The following SNX8 variants were observed in gnomAD, a reference collection of about 807,000 sequenced individuals.
The protein encoded by SNX8 is sorting nexin 8, also known as sorting nexin-8.
SNX8 carries 25 observed loss-of-function variants against 51.6 expected under a neutral mutation model. That is an observed-to-expected ratio of 0.48 (90% CI 0.35 to 0.68). The LOEUF (loss-of-function observed/expected upper bound fraction) is 0.68, where lower values mean the gene tolerates loss of function less well. Among genes scored for constraint, SNX8 ranks in the 30% least tolerant of loss-of-function variants. The pLI is 0.00. For synonymous variants in SNX8, 324 were observed against 277.0 expected (o/e 1.17, Z -1.68); for missense variants, 695 against 624.0 (o/e 1.11, Z -1.21).
intron 1 of SNX8, among the ~76,000 whole-genome samples, chr7:2,329,147 T>C (rs1344941199): frequency 6.7e-6 from 1 of 149,968 alleles, no homozygotes; most frequent in East Asian, 2.0e-4. Context: ...GGCAGGCACC[T>C]GTAATCTCAG....
At chr7:2,292,080 A>G (rs1796163053) in intron 1 of SNX8, among the ~76,000 whole-genome samples, 2 of 152,196 alleles carry the variant, frequency 1.3e-5, no homozygotes, top group African/African-American at 2.4e-5. Flanking sequence ...CCTGACCAAC[A>G]TGGTGAAACC....
chr7:2,263,198 G>T, intron 7 of SNX8, 32 bp downstream of exon 7: 1 of 1,611,900 alleles, frequency 6.2e-7, no homozygotes, highest in South Asian at 1.1e-5. Context: ...GTGTTCTCTG[G>T]AACAGGCGCC....
intron 1 of SNX8, among the ~76,000 whole-genome samples, chr7:2,346,474 A>G (rs1022750284): frequency 3.2e-4 from 49 of 151,218 alleles, no homozygotes; most frequent in Admixed American, 5.3e-4. Context: ...GCAGCCAGGC[A>G]CGGTGGCTCA....
chr7:2,313,461 G>A (rs1355654495), intron 1 of SNX8, among the ~76,000 whole-genome samples: 48 of 151,212 alleles, frequency 3.2e-4, no homozygotes, highest in Admixed American at 3.2e-3. Flanking sequence ...GGGAGGCGGA[G>A]GTTGCAATGA....
At chr7:2,279,483 G>T (rs910852068) in intron 1 of SNX8, among the ~76,000 whole-genome samples, 4 of 152,140 alleles carry the variant, frequency 2.6e-5, no homozygotes, top group Non-Finnish European at 5.9e-5. Context: ...CAGGCACCAT[G>T]GCTCACGCCT....
intron 1 of SNX8, chr7:2,309,656 G>A (rs1299765079): frequency 2.3e-5 from 9 of 390,118 alleles, no homozygotes; most frequent in East Asian, 2.2e-4. Context: ...GCTTGAACCC[G>A]GGAGGAGGAG....
intron 5 of SNX8, among the ~76,000 whole-genome samples, chr7:2,269,126 T>C (rs1231633358): frequency 6.9e-6 from 1 of 144,734 alleles, no homozygotes; most frequent in East Asian, 2.0e-4. Flanking sequence ...AATCGGATGG[T>C]TGCCGTGTCT....
At chr7:2,283,106 A>G (rs192652258) in intron 1 of SNX8, among the ~76,000 whole-genome samples, 2,998 of 151,418 alleles carry the variant, frequency 0.02, 41 homozygotes, top group South Asian at 0.044. Context: ...GGGCGACAAA[A>G]CCAGACTCCG....
intron 4 of SNX8, among the ~76,000 whole-genome samples, chr7:2,270,255 C>G (rs113018972): frequency 0.023 from 2,926 of 128,200 alleles, 39 homozygotes; most frequent in Middle Eastern, 0.066. Flanking sequence ...GTTTGCGTGT[C>G]CAGGAATTCT....
rs1795056311 is a variant in SNX8, at chr7:2,252,350, G to C, written c.*2706C>G. 1 of 152,592 alleles carries C rather than the reference G, an allele frequency of 6.6e-6. No homozygotes were observed. The highest frequency in any genetic ancestry group is 1.5e-5 in the Non-Finnish European group (1 of 68,336). The allele number at this position is 152,592 out of a possible 1,614,324, so 9.5% of individuals were successfully genotyped here. On this transcript the variant is annotated 3_prime_UTR_variant, in exon 11 of 11. Transcript: ENST00000222990. ...CGGCATGGGGCCTCCACCTGCAGCA[G>C]TAAGCAGCCTCTCAGCCCCTGAGCC...
At chr7:2,284,041 C>T (rs112162511) in intron 1 of SNX8, among the ~76,000 whole-genome samples, 17 of 152,146 alleles carry the variant, frequency 1.1e-4, no homozygotes, top group Non-Finnish European at 1.8e-4. Flanking sequence ...GTGATCTACC[C>T]GCCTCTGCTT....
chr7:2,274,209 C>G (rs79229963), intron 3 of SNX8, among the ~76,000 whole-genome samples: 2,211 of 152,316 alleles, frequency 0.015, 35 homozygotes, highest in Middle Eastern at 0.082. Context: ...TCACATGCGG[C>G]GGGGTGAAAA....
At chr7:2,315,692 C>T (rs1796742216), upstream of SNX8, among the ~76,000 whole-genome samples, 1 of 129,478 alleles carries the variant, frequency 7.7e-6, no homozygotes, top group Non-Finnish European at 1.8e-5. Flanking sequence ...TCACTGCATT[C>T]TGCATTCATT....
At chr7:2,271,575 C>T (rs564902252) in intron 4 of SNX8, among the ~76,000 whole-genome samples, 1 of 152,310 alleles carries the variant, frequency 6.6e-6, no homozygotes, top group East Asian at 1.9e-4. Context: ...CCTAAACCCT[C>T]CAAACCATCC....
intron 1 of SNX8, among the ~76,000 whole-genome samples, chr7:2,325,866 A>G (rs1778614817): frequency 6.6e-6 from 1 of 152,172 alleles, no homozygotes; most frequent in South Asian, 2.1e-4. Flanking sequence ...TAAAAAAATA[A>G]AAGAAGGTAA....
At chr7:2,267,413 A>G (rs1795494698) in intron 5 of SNX8, among the ~76,000 whole-genome samples, 1 of 132,414 alleles carries the variant, frequency 7.6e-6, no homozygotes, top group Non-Finnish European at 1.6e-5. Flanking sequence ...GGCTCACTGC[A>G]ACCTCCCTGC....
intron 2 of SNX8, 33 bp downstream of exon 2, chr7:2,278,067 C>G (rs1007554157): frequency 1.2e-6 from 2 of 1,602,686 alleles, no homozygotes; most frequent in Non-Finnish European, 1.7e-6. Context: ...TCTTCCCCCT[C>G]CTGCCCCGAC....
chr7:2,351,344 G>C (rs1446171409), intron 1 of SNX8, among the ~76,000 whole-genome samples: 2 of 152,060 alleles, frequency 1.3e-5, no homozygotes, highest in East Asian at 3.9e-4. Context: ...TTGAGCCCAG[G>C]AGTTGAAGAC....
intron 1 of SNX8, among the ~76,000 whole-genome samples, chr7:2,281,008 G>T (rs1466646424): frequency 1.3e-5 from 2 of 152,012 alleles, no homozygotes; most frequent in African/African-American, 2.4e-5. Context: ...GGCCAGACTG[G>T]TCTCAAACTC....
Sources: gnomAD v4.1 joint callset for allele counts (sites outside exome capture counted in the v4.1 genomes callset) on GRCh38, gnomAD v4.1.1 for gene constraint, MANE v1.5 for transcripts, NCBI Gene and HGNC (gene_info 2026-07-23, HGNC 2026-07-21) for gene names.